The following CCDC180 variants were observed in gnomAD, a reference collection of about 807,000 sequenced individuals.
CCDC180 encodes coiled-coil domain containing 180.
A neutral mutation model predicts 209.2 loss-of-function variants in CCDC180; 154 were observed. The ratio of observed to expected loss-of-function variants is 0.74; its 90% confidence interval spans 0.65 to 0.84. The LOEUF (loss-of-function observed/expected upper bound fraction) is 0.84. Among genes scored for constraint, CCDC180 ranks in the 40% least tolerant of loss-of-function variants. CCDC180 has a pLI of 0.00. For synonymous variants in CCDC180, 778 were observed against 749.1 expected, an observed-to-expected ratio of 1.04 and a Z score of -0.63; for missense variants, 1,874 against 1,997.3, an observed-to-expected ratio of 0.94 and a Z score of 1.18.
chr9:97,364,852 T>A (rs1298036640), intron 29 of CCDC180, among the ~76,000 whole-genome samples: 1 of 152,200 alleles, frequency 6.6e-6, no homozygotes, highest in African/African-American at 2.4e-5. Flanking sequence ...TTGATTACTA[T>A]TTAGGAGTAA....
chr9:97,349,250 T>G lies in CCDC180; in HGVS notation c.2814T>G (p.Tyr938Ter). ...GCAAAAACTTCCGCCTTAAGATCTA[T>G]GACATGGAGCACATCTTCTTGAATG... ...VRSKNFRLKI[Y>*]DMEHIFLNAT... is the part of the protein sequence containing the mutation. The change falls in exon 21 of 37, where the codon TAT (tyrosine) becomes TAG (stop). Residue 938 changes from tyrosine to a stop codon, truncating the protein, a stop_gained. Coordinates refer to ENST00000529487, the MANE Select transcript of CCDC180 (RefSeq NM_020893.6). LOFTEE classifies it high-confidence loss of function. 1 of 1,536,674 alleles carries G rather than the reference T, an allele frequency of 6.5e-7. No individual in the cohort carries two copies. The highest frequency in any genetic ancestry group is 8.7e-7 in the Non-Finnish European group (1 of 1,147,018).
In CCDC180 at chr9:97,335,079, C is replaced by T. The variant is rs144694170; in HGVS notation, c.2274+4312C>T. On this transcript the variant is annotated intron_variant, in intron 18 of 36. Coordinates refer to ENST00000529487, the MANE Select transcript of CCDC180 (RefSeq NM_020893.6). The stretch of plus-strand genomic sequence containing the variant: ...ACCAGTCCCTCACACATTTTTACAC[C>T]CAGCCTGTTTTATTTTTTGAAAGTA... Among the ~76,000 whole-genome samples, 1,275 of 152,192 alleles carry T rather than the reference C, an allele frequency of 8.4e-3. 16 individuals carry two copies. The highest frequency in any genetic ancestry group is 0.029 in the African/African-American group (1,192 of 41,522).
intron 18 of CCDC180, among the ~76,000 whole-genome samples, chr9:97,341,770 A>G (rs1052532586): frequency 1.3e-5 from 2 of 152,172 alleles, no homozygotes; most frequent in African/African-American, 2.4e-5. Flanking sequence ...TTGTTCAGCT[A>G]TGCCCTGCCC....
intron 13 of CCDC180, among the ~76,000 whole-genome samples, chr9:97,324,550 CT>C (rs1833466834): frequency 6.6e-6 from 1 of 152,206 alleles, no homozygotes; most frequent in Non-Finnish European, 1.5e-5. Flanking sequence ...TTGCCCACCC[CT>C]GGCCCAGATG....
chr9:97,329,940 C>G (rs935286871), intron 16 of CCDC180, among the ~76,000 whole-genome samples: 2 of 151,928 alleles, frequency 1.3e-5, no homozygotes, highest in East Asian at 1.9e-4. Context: ...TGGTGGCTGG[C>G]GCCTATAGTC....
At chr9:97,370,522 C>T in intron 32 of CCDC180, 119 bp from the exon 33 acceptor site, 1 of 1,164,246 alleles carries the variant, frequency 8.6e-7, no homozygotes, top group Non-Finnish European at 1.2e-6. Flanking sequence ...CACCCATCAC[C>T]CCCACACACC....
intron 34 of CCDC180, chr9:97,373,153 G>T (rs1827151007): frequency 6.6e-6 from 1 of 152,228 alleles, no homozygotes; most frequent in South Asian, 2.1e-4. Flanking sequence ...CCTCTGCTGG[G>T]TGGGACTGAG....
At chr9:97,345,999 A>T (rs2118795346) in intron 19 of CCDC180, among the ~76,000 whole-genome samples, 1 of 152,328 alleles carries the variant, frequency 6.6e-6, no homozygotes, top group South Asian at 2.1e-4. Context: ...TATTGTTTTC[A>T]ACTTCCATAT....
chr9:97,324,551 T>A (rs1833466746), intron 13 of CCDC180, among the ~76,000 whole-genome samples: 1 of 152,214 alleles, frequency 6.6e-6, no homozygotes. Flanking sequence ...TGCCCACCCC[T>A]GGCCCAGATG....
Position 97,322,902 on chromosome 9 carries a change from T to C in CCDC180, c.1229T>C (p.Met410Thr). The C allele has an allele frequency of 7.4e-6, 12 of 1,614,064 alleles. No homozygotes were observed. The highest frequency in any genetic ancestry group is 1.0e-5 in the Non-Finnish European group (12 of 1,180,004). Residue 410 changes from methionine (M) to threonine (T), a missense_variant, in exon 12 of 37, where the codon ATG (methionine) becomes ACG (threonine). Coordinates refer to ENST00000529487, the MANE Select transcript of CCDC180 (RefSeq NM_020893.6). The part of the protein sequence containing the change: ...LYEKTWQECL[M>T]HVQNCKKQLL... ...GAGAAGACATGGCAGGAGTGCCTGA[T>C]GCATGTGCAGAATTGTAAGGTGGGC...
intron 10 of CCDC180, among the ~76,000 whole-genome samples, chr9:97,318,996 T>C (rs1192808149): frequency 6.6e-6 from 1 of 152,100 alleles, no homozygotes; most frequent in Admixed American, 6.5e-5. Context: ...TGTCGGAGGC[T>C]GTGGACACTC....
At chr9:97,372,460 A>T (rs188367166) in intron 34 of CCDC180, 3 of 152,372 alleles carry the variant, frequency 2.0e-5, no homozygotes, top group Admixed American at 6.5e-5. Context: ...CTAGGAATTT[A>T]TCTGAGAGAA....
intron 16 of CCDC180, 36 bp from the exon 17 acceptor site, chr9:97,330,118 G>T: frequency 6.4e-7 from 1 of 1,568,490 alleles, no homozygotes; most frequent in Non-Finnish European, 8.8e-7. Context: ...GAAAGGCAGT[G>T]CAGGTCCTTC....
chr9:97,349,110 G>C lies in CCDC180; in HGVS notation c.2675-1G>C. 1 of 1,534,330 alleles carries C rather than the reference G, an allele frequency of 6.5e-7. No homozygotes were observed. The highest frequency in any genetic ancestry group is 8.7e-7 in the Non-Finnish European group (1 of 1,146,232). On this transcript the variant is annotated splice_acceptor_variant, in intron 20 of 36. Coordinates refer to ENST00000529487, the MANE Select transcript of CCDC180 (RefSeq NM_020893.6). LOFTEE classifies it high-confidence loss of function. ...CCCCAGCTCTCTTAATCCTTTTTCA[G>C]CCGAGCTTTTGCTTCATCAAGAGCA...
rs762152523 is a variant in CCDC180 at position 97,312,128 on chromosome 9, C to T, written c.276C>T (p.Ala92=). The T allele has an allele frequency of 6.2e-7, 1 of 1,614,024 alleles. No homozygotes were observed. The highest frequency in any genetic ancestry group is 1.3e-5 in the African/African-American group (1 of 75,028). Residue 92 remains alanine, a synonymous_variant, in exon 4 of 37, where the codon GCC becomes GCT. Coordinates refer to ENST00000529487, the MANE Select transcript of CCDC180 (RefSeq NM_020893.6). ...TGTGTCTCAGGGAAAAGGAAAGAGC[C>T]AAGAGGGAAAAAGCCCGAGAGAGTG... ...NPVLHREKER[A]KREKARESEN...
intron 10 of CCDC180, among the ~76,000 whole-genome samples, chr9:97,319,230 A>G (rs1410934830): frequency 1.3e-5 from 2 of 152,184 alleles, no homozygotes; most frequent in East Asian, 3.9e-4. Context: ...GGTACAGCAA[A>G]TCACCATGGC....
At position 97,372,050 on chromosome 9, in the gene CCDC180, C is replaced by A. The variant is rs574712655; in HGVS notation, c.4600+344C>A. The A allele has an allele frequency of 1.1e-4, 19 of 172,292 alleles. No individual in the cohort carries two copies. In the South Asian group the frequency reaches 3.5e-3, roughly 32 times the overall value. The allele number at this position is 172,292 out of a possible 1,614,324, so 10.7% of individuals were successfully genotyped here. Reference sequence around the variant, plus strand: ...CGAAAAATGTCAAAAGATGGAAAGACAAACCACAAACTGGAAAAGTATTCC... The same window carrying A: ...CGAAAAATGTCAAAAGATGGAAAGAAAAACCACAAACTGGAAAAGTATTCC... On this transcript the variant is annotated intron_variant, in intron 34 of 36. Coordinates refer to ENST00000529487, the MANE Select transcript of CCDC180 (RefSeq NM_020893.6).
Position 97,330,700 on chromosome 9 carries a change from A to AG in CCDC180, c.2208dup (p.Lys737GlufsTer22), listed in dbSNP as rs763158766. The AG allele has an allele frequency of 6.2e-7, 1 of 1,608,602 alleles. No individual in the cohort carries two copies. The highest frequency in any genetic ancestry group is 8.5e-7 in the Non-Finnish European group (1 of 1,179,128). On this transcript the variant is annotated frameshift_variant, in exon 18 of 37. Transcript: ENST00000529487. LOFTEE classifies it high-confidence loss of function. The stretch of plus-strand genomic sequence containing the variant: ...GAGAAGGAGGAAGAGGAGGAGGAGG[A>AG]GAAGCTGGAGGAAGAGAAGGAGGAG...
intron 32 of CCDC180, 77 bp downstream of exon 32, chr9:97,370,159 C>T (rs918182420): frequency 4.0e-6 from 6 of 1,491,868 alleles, no homozygotes; most frequent in Non-Finnish European, 5.4e-6. Flanking sequence ...AGGTTGTGGG[C>T]AGGGCCAAGT....
Sources: gnomAD v4.1 joint callset for allele counts (sites outside exome capture counted in the v4.1 genomes callset) on GRCh38, gnomAD v4.1.1 for gene constraint, MANE v1.5 for transcripts, NCBI Gene and HGNC (gene_info 2026-07-23, HGNC 2026-07-21) for gene names.